The following RASSF4 variants were observed in gnomAD, a reference collection of about 807,000 sequenced individuals.
RASSF4 encodes ras association domain-containing protein 4.
In RASSF4, 38 loss-of-function variants were observed where a neutral mutation model predicts 41.1. That is an observed-to-expected ratio of 0.92 (90% CI 0.71 to 1.21). RASSF4 has a LOEUF of 1.21. Among genes scored for constraint, RASSF4 ranks in the 50% most tolerant of loss-of-function variants. The pLI is 0.00. For synonymous variants in RASSF4, 179 were observed against 163.4 expected (o/e 1.10, Z -0.73); for missense variants, 414 against 419.4 (o/e 0.99, Z 0.11).
intron 8 of RASSF4, 43 bp from the exon 9 acceptor site, chr10:44,990,905 A>T (rs1842084556): frequency 1.3e-6 from 2 of 1,597,716 alleles, no homozygotes; most frequent in Admixed American, 1.7e-5. Context: ...GACAGAGGTG[A>T]TCCTAATCTC....
intron 10 of RASSF4, 61 bp downstream of exon 10, chr10:44,992,063 C>T (rs1417193743): frequency 2.7e-6 from 3 of 1,112,354 alleles, no homozygotes; most frequent in East Asian, 4.8e-5. Flanking sequence ...CTGCAAAGCA[C>T]AGCACCAGTG....
At chr10:44,982,317 G>A in intron 3 of RASSF4, 1 of 685,456 alleles carries the variant, frequency 1.5e-6, no homozygotes. Flanking sequence ...CCAGGCATGA[G>A]CTGAGCACAT....
intron 4 of RASSF4, chr10:44,982,950 C>T: frequency 3.0e-6 from 2 of 664,828 alleles, no homozygotes; most frequent in Non-Finnish European, 5.7e-6. Flanking sequence ...GCCAGGGGGG[C>T]TCCCAACACC....
At chr10:44,972,853 C>T (rs570998759) in intron 3 of RASSF4, among the ~76,000 whole-genome samples, 1 of 152,342 alleles carries the variant, frequency 6.6e-6, no homozygotes, top group African/African-American at 2.4e-5. Context: ...TCTTCAGTAA[C>T]TCAGACACCC....
At chr10:44,971,006 A>G (rs1588799300) in intron 2 of RASSF4, 1 of 171,948 alleles carries the variant, frequency 5.8e-6, no homozygotes. Context: ...CACCTCCAAC[A>G]CTGGGAATTA....
Sources: gnomAD v4.1 joint callset for allele counts (sites outside exome capture counted in the v4.1 genomes callset) on GRCh38, gnomAD v4.1.1 for gene constraint, MANE v1.5 for transcripts, NCBI Gene and HGNC (gene_info 2026-07-23, HGNC 2026-07-21) for gene names.